Variants in HS3ST4 observed in about 807,000 individuals in gnomAD.
HS3ST4 encodes heparan sulfate-glucosamine 3-sulfotransferase 4, also known as heparan sulfate glucosamine 3-O-sulfotransferase 4.
A neutral mutation model predicts 29.2 loss-of-function variants in HS3ST4; 17 were observed. That is an observed-to-expected ratio of 0.58 (90% CI 0.40 to 0.87). The LOEUF (loss-of-function observed/expected upper bound fraction) is 0.87, where lower values mean the gene tolerates loss of function less well. Among genes scored for constraint, HS3ST4 ranks in the 40% least tolerant of loss-of-function variants. The pLI, the probability that HS3ST4 is intolerant of heterozygous loss-of-function variation, is 0.00. For synonymous variants in HS3ST4, 314 were observed against 285.7 expected, an observed-to-expected ratio of 1.10 and a Z score of -1.00; for missense variants, 627 against 634.5, an observed-to-expected ratio of 0.99 and a Z score of 0.13.
intron 1 of HS3ST4, among the ~76,000 whole-genome samples, chr16:25,991,091 A>G (rs935825164): frequency 1.3e-5 from 2 of 148,766 alleles, no homozygotes; most frequent in African/African-American, 5.2e-5. Flanking sequence ...CTTATCATCA[A>G]TAACATTGAT....
intron 1 of HS3ST4, among the ~76,000 whole-genome samples, chr16:25,984,286 G>C (rs890466747): frequency 1.9e-4 from 29 of 152,162 alleles, no homozygotes; most frequent in Non-Finnish European, 3.7e-4. Context: ...ACGGTTTCGG[G>C]ATGAAACTGT....
intron 1 of HS3ST4, among the ~76,000 whole-genome samples, chr16:26,090,322 A>C (rs1434176662): frequency 2.0e-5 from 3 of 147,120 alleles, no homozygotes; most frequent in Non-Finnish European, 4.4e-5. Context: ...TGGGATGTTT[A>C]TGATCCTTTC....
intron 1 of HS3ST4, among the ~76,000 whole-genome samples, chr16:26,018,467 A>C (rs888189472): frequency 2.0e-5 from 3 of 152,176 alleles, no homozygotes; most frequent in Admixed American, 2.0e-4. Context: ...ACTGTGTACC[A>C]GGCATTGTCC....
intron 1 of HS3ST4, among the ~76,000 whole-genome samples, chr16:25,998,788 C>A (rs1257606695): frequency 6.6e-6 from 1 of 152,034 alleles, no homozygotes; most frequent in East Asian, 1.9e-4. Flanking sequence ...CTCTTTTCTG[C>A]ATTTGATGAA....
At chr16:26,016,825 G>A (rs946847987) in intron 1 of HS3ST4, among the ~76,000 whole-genome samples, 1 of 152,062 alleles carries the variant, frequency 6.6e-6, no homozygotes, top group African/African-American at 2.4e-5. Flanking sequence ...ACTCATATTT[G>A]GTTCTTTCCT....
chr16:26,093,958 G>T (rs185416211), intron 1 of HS3ST4, among the ~76,000 whole-genome samples: 16 of 152,148 alleles, frequency 1.1e-4, no homozygotes, highest in Admixed American at 2.0e-4. Flanking sequence ...CAAGAACTTC[G>T]TGATGCATGC....
chr16:25,834,681 C>T (rs1345473072), intron 1 of HS3ST4, among the ~76,000 whole-genome samples: 2 of 152,078 alleles, frequency 1.3e-5, no homozygotes, highest in African/African-American at 4.8e-5. Context: ...CGTGGTGGCT[C>T]ACGCCTGTAA....
chr16:25,759,367 T>G (rs1333958441), intron 1 of HS3ST4, among the ~76,000 whole-genome samples: 2 of 152,234 alleles, frequency 1.3e-5, no homozygotes, highest in African/African-American at 4.8e-5. Context: ...GGCACAGTGC[T>G]AGGTGCTGGG....
intron 1 of HS3ST4, among the ~76,000 whole-genome samples, chr16:25,715,225 G>T (rs1966444997): frequency 6.6e-6 from 1 of 151,422 alleles, no homozygotes; most frequent in Non-Finnish European, 1.5e-5. Context: ...GGGAGGCTGA[G>T]GCAGGAGAAT....
intron 1 of HS3ST4, among the ~76,000 whole-genome samples, chr16:25,964,698 A>G (rs988503156): frequency 1.3e-5 from 2 of 152,222 alleles, no homozygotes; most frequent in African/African-American, 4.8e-5. Flanking sequence ...ACAATTAATC[A>G]GTACAATGAT....
intron 1 of HS3ST4, among the ~76,000 whole-genome samples, chr16:25,787,075 G>A (rs1596570558): frequency 4.6e-5 from 7 of 152,218 alleles, no homozygotes; most frequent in Admixed American, 4.6e-4. Flanking sequence ...CATATAAAAT[G>A]TGAGTGTATC....
intron 1 of HS3ST4, among the ~76,000 whole-genome samples, chr16:26,053,135 C>T (rs968937157): frequency 5.3e-5 from 8 of 152,312 alleles, no homozygotes; most frequent in Non-Finnish European, 7.3e-5. Context: ...GATATTCTCC[C>T]GAGATGCTTT....
At position 25,820,572 on chromosome 16, in the gene HS3ST4, T is replaced by TTTG. The variant is rs142376636; in HGVS notation, c.734+127442_734+127444dup. Among the ~76,000 whole-genome samples the TTTG allele has an allele frequency of 4.0e-4, 61 of 151,146 alleles. No individual in the cohort carries two copies. In the South Asian group the frequency reaches 6.1e-3, roughly 15 times the overall value. The stretch of plus-strand genomic sequence containing the variant: ...CCCTGCCTGGCTAATTAATACAAGT[T>TTTG]TTGTTGTTGTTGTTGTTGTTGTTTA... On this transcript the variant is annotated intron_variant, in intron 1 of 1. Transcript: ENST00000331351.
chr16:25,720,592 C>T (rs1966486283), intron 1 of HS3ST4, among the ~76,000 whole-genome samples: 1 of 152,098 alleles, frequency 6.6e-6, no homozygotes, highest in Non-Finnish European at 1.5e-5. Context: ...ATTTTCACCT[C>T]CAACCTTAAA....
intron 1 of HS3ST4, among the ~76,000 whole-genome samples, chr16:26,034,901 T>C (rs560154637): frequency 6.6e-6 from 1 of 152,300 alleles, no homozygotes; most frequent in African/African-American, 2.4e-5. Flanking sequence ...GAGGATCATT[T>C]GAGCCCAGGA....
intron 1 of HS3ST4, among the ~76,000 whole-genome samples, chr16:26,116,714 A>G (rs1425463918): frequency 6.6e-6 from 1 of 152,188 alleles, no homozygotes; most frequent in African/African-American, 2.4e-5. Flanking sequence ...GTTGTTTCTT[A>G]ACACATTTAT....
chr16:25,956,091 C>T (rs1009628918), intron 1 of HS3ST4, among the ~76,000 whole-genome samples: 4 of 152,120 alleles, frequency 2.6e-5, no homozygotes, highest in African/African-American at 4.8e-5. Flanking sequence ...GCTGGGATTA[C>T]GGGTGTGAGC....
chr16:25,987,490 C>T (rs1027390058), intron 1 of HS3ST4, among the ~76,000 whole-genome samples: 3 of 152,164 alleles, frequency 2.0e-5, no homozygotes, highest in Non-Finnish European at 4.4e-5. Flanking sequence ...AATTCCAAAA[C>T]GGATAAATGG....
At chr16:26,005,719 G>A (rs1969251870) in intron 1 of HS3ST4, among the ~76,000 whole-genome samples, 1 of 148,024 alleles carries the variant, frequency 6.8e-6, no homozygotes, top group Admixed American at 6.7e-5. Context: ...ATCTAGAGAA[G>A]ATTTTACTGT....
Sources: gnomAD v4.1 joint callset for allele counts (sites outside exome capture counted in the v4.1 genomes callset) on GRCh38, gnomAD v4.1.1 for gene constraint, MANE v1.5 for transcripts, NCBI Gene and HGNC (gene_info 2026-07-23, HGNC 2026-07-21) for gene names.